VWC2L: variants seen among roughly 807,000 people sequenced by gnomAD.
VWC2L encodes the protein von Willebrand factor C domain-containing protein 2-like.
Under a neutral mutation model 21.6 loss-of-function variants are expected in VWC2L, and 10 were observed. The observed-to-expected ratio is 0.46, with a 90% confidence interval of 0.29 to 0.78. VWC2L has a LOEUF of 0.78. Ranked by LOEUF, VWC2L falls within the 30% of genes least tolerant of loss-of-function variation. The pLI is 0.10. For synonymous variants in VWC2L, 96 were observed against 94.3 expected, an observed-to-expected ratio of 1.02 and a Z score of -0.10; for missense variants, 209 against 277.1, an observed-to-expected ratio of 0.75 and a Z score of 1.74.
At chr2:214,538,237 A>G (rs1394871848) in intron 3 of VWC2L, among the ~76,000 whole-genome samples, 1 of 151,286 alleles carries the variant, frequency 6.6e-6, no homozygotes, top group Non-Finnish European at 1.5e-5. Context: ...TCATTCACTC[A>G]CAGACCTGGA....
At chr2:214,430,058 G>A (rs1020826591) in intron 2 of VWC2L, among the ~76,000 whole-genome samples, 18 of 151,852 alleles carry the variant, frequency 1.2e-4, no homozygotes, top group East Asian at 5.8e-4. Context: ...TCCTGACCTC[G>A]TGTGCTGCAC....
chr2:214,512,550 C>A (rs1454140003), intron 3 of VWC2L, among the ~76,000 whole-genome samples: 2 of 151,950 alleles, frequency 1.3e-5, no homozygotes, highest in Non-Finnish European at 2.9e-5. Flanking sequence ...TGTACATATA[C>A]CCCTGAACTT....
At chr2:214,549,915 C>T (rs1413773812) in intron 3 of VWC2L, among the ~76,000 whole-genome samples, 2 of 152,116 alleles carry the variant, frequency 1.3e-5, no homozygotes, top group South Asian at 4.1e-4. Flanking sequence ...GATGCCCTTT[C>T]ATTGCCTTAT....
intron 3 of VWC2L, among the ~76,000 whole-genome samples, chr2:214,569,568 A>C (rs1403059159): frequency 6.6e-6 from 1 of 152,214 alleles, no homozygotes; most frequent in Admixed American, 6.5e-5. Context: ...TGAAGAGTTA[A>C]CTATTTGCTC....
chr2:214,490,994 T>C (rs3935486), intron 3 of VWC2L, among the ~76,000 whole-genome samples: 45,863 of 151,972 alleles, frequency 0.3, 7,679 homozygotes, highest in Non-Finnish European at 0.38. Context: ...TGTACATTCA[T>C]AGATACAGAA....
chr2:214,436,569 T>C, intron 2 of VWC2L, 60 bp from the exon 3 acceptor site: 2 of 1,592,284 alleles, frequency 1.3e-6, no homozygotes, highest in Non-Finnish European at 1.7e-6. Context: ...TCTGACAGCA[T>C]ATGAATGTGC....
chr2:214,463,993 G>T (rs1703181366), intron 3 of VWC2L, among the ~76,000 whole-genome samples: 1 of 151,912 alleles, frequency 6.6e-6, no homozygotes. Context: ...TTTCTGCTTG[G>T]TTTTTAAAAA....
intron 3 of VWC2L, among the ~76,000 whole-genome samples, chr2:214,572,204 A>G (rs1308871172): frequency 6.6e-6 from 1 of 152,214 alleles, no homozygotes; most frequent in Non-Finnish European, 1.5e-5. Flanking sequence ...CAATTCATTG[A>G]GAATCAATAT....
At chr2:214,525,396 C>G (rs1247520043) in intron 3 of VWC2L, 2 of 152,134 alleles carry the variant, frequency 1.3e-5, no homozygotes, top group Non-Finnish European at 2.9e-5. Context: ...AAAATGTGTT[C>G]TACAAAAATT....
At chr2:214,457,356 T>C (rs1019233506) in intron 3 of VWC2L, among the ~76,000 whole-genome samples, 24 of 152,108 alleles carry the variant, frequency 1.6e-4, no homozygotes, top group African/African-American at 5.3e-4. Context: ...TTGATTTTTA[T>C]GTGTTGATTT....
intron 3 of VWC2L, among the ~76,000 whole-genome samples, chr2:214,512,246 T>C (rs1689067562): frequency 6.6e-6 from 1 of 152,236 alleles, no homozygotes. Flanking sequence ...AAGTTCACTG[T>C]ACCTTCAGGA....
intron 3 of VWC2L, among the ~76,000 whole-genome samples, chr2:214,507,584 G>A (rs1489554383): frequency 5.9e-5 from 9 of 152,254 alleles, no homozygotes; most frequent in Admixed American, 2.6e-4. Flanking sequence ...TTGTACCTCC[G>A]TTTTCTAATC....
chr2:214,426,099 G>T (rs1174033838), intron 2 of VWC2L, among the ~76,000 whole-genome samples: 1 of 148,502 alleles, frequency 6.7e-6, no homozygotes, highest in African/African-American at 2.5e-5. Flanking sequence ...TTGAACCCAG[G>T]AGGTGGAAGT....
intron 3 of VWC2L, among the ~76,000 whole-genome samples, chr2:214,549,603 T>G (rs922662844): frequency 6.6e-6 from 1 of 152,140 alleles, no homozygotes; most frequent in African/African-American, 2.4e-5. Flanking sequence ...TGAAACCATG[T>G]CTCTACTGAA....
At chr2:214,449,302 T>C (rs1702918230) in intron 3 of VWC2L, among the ~76,000 whole-genome samples, 1 of 152,110 alleles carries the variant, frequency 6.6e-6, no homozygotes, top group Admixed American at 6.6e-5. Context: ...TAACATAGCA[T>C]AGGGGGTTGA....
chr2:214,467,872 G>C (rs1009798761), intron 3 of VWC2L, among the ~76,000 whole-genome samples: 1 of 152,126 alleles, frequency 6.6e-6, no homozygotes, highest in Non-Finnish European at 1.5e-5. Context: ...GAAGCCAGGA[G>C]CAGTGGTGTG....
chr2:214,573,209 C>T (rs538769582), intron 3 of VWC2L, among the ~76,000 whole-genome samples: 5 of 152,118 alleles, frequency 3.3e-5, no homozygotes, highest in African/African-American at 9.6e-5. Flanking sequence ...CCCAGCCTCC[C>T]GTGAGCCAGT....
chr2:214,499,154 G>T (rs1349048988), intron 3 of VWC2L, among the ~76,000 whole-genome samples: 1 of 151,048 alleles, frequency 6.6e-6, no homozygotes, highest in Non-Finnish European at 1.5e-5. Context: ...GAGTAGCTGG[G>T]ATTACAGGAG....
At chr2:214,436,865 T>C in intron 3 of VWC2L, 107 bp downstream of exon 3, 1 of 1,317,568 alleles carries the variant, frequency 7.6e-7, no homozygotes, top group Non-Finnish European at 1.0e-6. Context: ...TGCCTGTGGC[T>C]TTTCAATATG....
Sources: gnomAD v4.1 joint callset for allele counts (sites outside exome capture counted in the v4.1 genomes callset) on GRCh38, gnomAD v4.1.1 for gene constraint, MANE v1.5 for transcripts, NCBI Gene and HGNC (gene_info 2026-07-23, HGNC 2026-07-21) for gene names.